WDR17: variants seen among roughly 807,000 people sequenced by gnomAD.
WDR17 encodes the protein WD repeat-containing protein 17.
A neutral mutation model predicts 161.7 loss-of-function variants in WDR17; 143 were observed. The observed-to-expected ratio is 0.88, with a 90% CI of 0.77 to 1.02. The LOEUF (loss-of-function observed/expected upper bound fraction) is 1.02. Among genes scored for constraint, WDR17 ranks in the 50% least tolerant of loss-of-function variants. The pLI is 0.00. For missense variants in WDR17, 1,469 were observed against 1,520.9 expected (o/e 0.97, Z 0.57); for synonymous variants, 517 against 515.6 (o/e 1.00, Z -0.04).
chr4:176,121,955 T>C (rs868334325), intron 4 of WDR17, among the ~76,000 whole-genome samples: 1 of 152,226 alleles, frequency 6.6e-6, no homozygotes, highest in Non-Finnish European at 1.5e-5. Flanking sequence ...CAAGTCAGCA[T>C]GTGTTATTTT....
chr4:176,116,823 T>C (rs1301747710), intron 3 of WDR17, among the ~76,000 whole-genome samples: 1 of 151,944 alleles, frequency 6.6e-6, no homozygotes, highest in Non-Finnish European at 1.5e-5. Context: ...AAATAATATC[T>C]TTTGTAACTT....
At chr4:176,093,874 C>A (rs565983819) in intron 1 of WDR17, among the ~76,000 whole-genome samples, 1 of 152,288 alleles carries the variant, frequency 6.6e-6, no homozygotes, top group South Asian at 2.1e-4. Context: ...TGCAAGATAA[C>A]ATTTAATCTG....
intron 1 of WDR17, among the ~76,000 whole-genome samples, chr4:176,078,657 A>G (rs1734358204): frequency 6.6e-6 from 1 of 151,960 alleles, no homozygotes; most frequent in Admixed American, 6.6e-5. Context: ...AACTATAATA[A>G]TTTTCAATTA....
rs765107241 is a variant in WDR17 at position 176,177,145 on chromosome 4, G to A, written c.3537G>A (p.Gln1179=). The A allele has an allele frequency of 1.9e-6, 3 of 1,613,130 alleles. No individual in the cohort carries two copies. In the African/African-American group the frequency reaches 4.0e-5, roughly 22 times the overall value. The part of the protein sequence containing the change: ...EELDAWRACT[Q]STNRSLEDSP... ...TGGATGCATGGAGAGCTTGCACACA[G>A]TCCACCAACAGGTGAGCAAATATGA... The change falls in exon 27 of 29, where the codon CAG becomes CAA. Residue 1179 remains glutamine (Q), a synonymous_variant. Coordinates refer to ENST00000508596, the MANE Select transcript of WDR17 (RefSeq NM_181265.4).
intron 5 of WDR17, among the ~76,000 whole-genome samples, chr4:176,126,816 T>C (rs1412885570): frequency 6.6e-6 from 1 of 152,186 alleles, no homozygotes; most frequent in Non-Finnish European, 1.5e-5. Flanking sequence ...GTTCTCATGA[T>C]AATGAGTGAG....
At chr4:176,167,608 C>T (rs1749995436) in intron 22 of WDR17, among the ~76,000 whole-genome samples, 1 of 124,022 alleles carries the variant, frequency 8.1e-6, no homozygotes, top group Non-Finnish European at 1.6e-5. Flanking sequence ...GATTGCGCCA[C>T]TGCACTCCAG....
chr4:176,175,074 G>A (rs1018454486), intron 26 of WDR17, among the ~76,000 whole-genome samples: 5 of 152,102 alleles, frequency 3.3e-5, no homozygotes, highest in African/African-American at 1.2e-4. Flanking sequence ...AGTATCCCAT[G>A]GTTAGAAGAT....
At chr4:176,150,664 G>T in intron 16 of WDR17, 71 bp downstream of exon 16, 4 of 1,421,430 alleles carry the variant, frequency 2.8e-6, no homozygotes, top group Non-Finnish European at 3.8e-6. Flanking sequence ...ATGTAAAAAT[G>T]ATTTTAAAAA....
At chr4:176,157,323 C>CA (rs1381073688) in intron 18 of WDR17, among the ~76,000 whole-genome samples, 1 of 152,070 alleles carries the variant, frequency 6.6e-6, no homozygotes, top group Non-Finnish European at 1.5e-5. Context: ...GGTTTAGTGG[C>CA]AAAAAATCAA....
At chr4:176,102,788 G>T (rs1738029134) in intron 1 of WDR17, among the ~76,000 whole-genome samples, 1 of 152,142 alleles carries the variant, frequency 6.6e-6, no homozygotes, top group Non-Finnish European at 1.5e-5. Context: ...ATGAAGGCTT[G>T]CAACTTCCAG....
intron 1 of WDR17, among the ~76,000 whole-genome samples, chr4:176,083,726 A>G (rs1735050499): frequency 1.3e-5 from 2 of 152,104 alleles, no homozygotes; most frequent in Admixed American, 6.6e-5. Context: ...TGGGGTATGT[A>G]TTTGTTCGGC....
At chr4:176,099,531 G>A (rs1227703687) in intron 1 of WDR17, among the ~76,000 whole-genome samples, 1 of 152,014 alleles carries the variant, frequency 6.6e-6, no homozygotes, top group East Asian at 1.9e-4. Flanking sequence ...AGCAGGGGGA[G>A]GGGAAAAGAA....
At chr4:176,125,466 A>G in intron 5 of WDR17, 111 bp downstream of exon 5, 1 of 1,274,002 alleles carries the variant, frequency 7.8e-7, no homozygotes, top group Admixed American at 2.6e-5. Flanking sequence ...TTAATAGCTC[A>G]ATTATTATTT....
intron 1 of WDR17, among the ~76,000 whole-genome samples, chr4:176,075,256 A>G (rs1733814954): frequency 6.6e-6 from 1 of 152,030 alleles, no homozygotes; most frequent in Non-Finnish European, 1.5e-5. Flanking sequence ...TTTAATTATA[A>G]GGTGACTGAG....
chr4:176,109,764 G>A (rs1034402932), intron 1 of WDR17, among the ~76,000 whole-genome samples: 9 of 152,172 alleles, frequency 5.9e-5, no homozygotes, highest in African/African-American at 1.9e-4. Context: ...GGTGTACACT[G>A]AACAAGCTTC....
chr4:176,157,590 A>G (rs928336143), intron 18 of WDR17, among the ~76,000 whole-genome samples: 13 of 152,168 alleles, frequency 8.5e-5, no homozygotes, highest in African/African-American at 3.1e-4. Flanking sequence ...AAGAAAGTCA[A>G]GTTAGCAGAG....
intron 1 of WDR17, among the ~76,000 whole-genome samples, chr4:176,078,239 TAATA>T (rs1310274550): frequency 6.6e-6 from 1 of 152,058 alleles, no homozygotes; most frequent in East Asian, 1.9e-4. Flanking sequence ...TGAATATTTA[TAATA>T]AATAAATAAA....
chr4:176,166,518 T>G (rs1749796000), intron 22 of WDR17, among the ~76,000 whole-genome samples: 5 of 152,174 alleles, frequency 3.3e-5, no homozygotes, highest in Admixed American at 3.3e-4. Context: ...ATTTGTGTAC[T>G]GAACTCTCAA....
chr4:176,152,368 G>T (rs943447321), intron 17 of WDR17, among the ~76,000 whole-genome samples: 1 of 150,188 alleles, frequency 6.7e-6, no homozygotes, highest in African/African-American at 2.4e-5. Context: ...AGGCCAAGTC[G>T]GGTGGATCAC....
Sources: gnomAD v4.1 joint callset for allele counts (sites outside exome capture counted in the v4.1 genomes callset) on GRCh38, gnomAD v4.1.1 for gene constraint, MANE v1.5 for transcripts, NCBI Gene and HGNC (gene_info 2026-07-23, HGNC 2026-07-21) for gene names.